NKAIN2: variants seen among roughly 807,000 people sequenced by gnomAD.
NKAIN2 encodes the protein sodium/potassium transporting ATPase interacting 2.
A neutral mutation model predicts 32.6 loss-of-function variants in NKAIN2; 14 were observed. That is an observed-to-expected ratio of 0.43 (90% CI 0.28 to 0.67). The LOEUF (loss-of-function observed/expected upper bound fraction) is 0.67, where lower values mean the gene tolerates loss of function less well. Among genes scored for constraint, NKAIN2 ranks in the 30% least tolerant of loss-of-function variants. The pLI is 0.17. For synonymous variants in NKAIN2, 80 were observed against 87.2 expected (o/e 0.92, Z 0.46); for missense variants, 198 against 258.3 (o/e 0.77, Z 1.60).
intron 1 of NKAIN2, among the ~76,000 whole-genome samples, chr6:123,950,996 T>C (rs1481793696): frequency 6.6e-6 from 1 of 152,018 alleles, no homozygotes; most frequent in African/African-American, 2.4e-5. Flanking sequence ...TTGGTTTTTA[T>C]TTATGTCAAG....
intron 1 of NKAIN2, among the ~76,000 whole-genome samples, chr6:124,078,808 G>GTGTGTGTGTGTGTGTGTT (rs1783820056): frequency 2.6e-5 from 4 of 151,736 alleles, no homozygotes; most frequent in Admixed American, 1.3e-4. Context: ...GTGTGTGTGT[G>GTGTGTGTGTGTGTGTGTT]TGTGTGTGTG....
chr6:124,205,409 A>C (rs1399836178), intron 1 of NKAIN2, among the ~76,000 whole-genome samples: 1 of 151,666 alleles, frequency 6.6e-6, no homozygotes, highest in African/African-American at 2.4e-5. Context: ...AGTCTTATAT[A>C]ATGTGTCTTA....
At chr6:124,108,231 T>TA (rs1785208058) in intron 1 of NKAIN2, among the ~76,000 whole-genome samples, 1 of 152,086 alleles carries the variant, frequency 6.6e-6, no homozygotes, top group African/African-American at 2.4e-5. Context: ...TACAAGGTAA[T>TA]ATATGAATAG....
intron 1 of NKAIN2, among the ~76,000 whole-genome samples, chr6:124,131,296 C>T (rs181274318): frequency 1.3e-4 from 20 of 152,158 alleles, no homozygotes; most frequent in Non-Finnish European, 1.8e-4. Flanking sequence ...AGGTGCATGC[C>T]GCCACGTCTG....
chr6:124,198,625 T>C (rs1790440493), intron 1 of NKAIN2, among the ~76,000 whole-genome samples: 5 of 152,024 alleles, frequency 3.3e-5, no homozygotes, highest in Admixed American at 3.3e-4. Context: ...GGTATATCTT[T>C]ACTGCTTCTC....
intron 3 of NKAIN2, among the ~76,000 whole-genome samples, chr6:124,604,590 C>T (rs1168469182): frequency 1.3e-5 from 2 of 151,164 alleles, no homozygotes; most frequent in Non-Finnish European, 2.9e-5. Context: ...TCATTATCTC[C>T]ACCAGAAAAA....
intron 3 of NKAIN2, among the ~76,000 whole-genome samples, chr6:124,574,800 C>G (rs993246013): frequency 2.0e-5 from 3 of 152,074 alleles, no homozygotes; most frequent in Non-Finnish European, 4.4e-5. Context: ...AACACTTATC[C>G]CCACTAATTT....
At chr6:124,351,026 A>G (rs1290774399) in intron 2 of NKAIN2, among the ~76,000 whole-genome samples, 1 of 152,208 alleles carries the variant, frequency 6.6e-6, no homozygotes, top group Non-Finnish European at 1.5e-5. Flanking sequence ...TTTTTAAAAA[A>G]GTAACTCATA....
In NKAIN2 at chr6:124,105,868, C is replaced by A. The variant is rs112652882; in HGVS notation, c.55-177137C>A. 7.6e-4 allele frequency among the ~76,000 whole-genome samples: 116 copies of A among 152,158 alleles called. 1 individual carries two copies. The highest frequency in any genetic ancestry group is 1.3e-3 in the Non-Finnish European group (88 of 68,036). ...TATTACATATAAGTAACAATGATAG[C>A]AAACATTTATACCCTTTAGATTTGT... On this transcript the variant is annotated intron_variant, in intron 1 of 6. Coordinates refer to ENST00000368417, the MANE Select transcript of NKAIN2 (RefSeq NM_001040214.3).
At chr6:124,137,176 C>T (rs1400176222) in intron 1 of NKAIN2, among the ~76,000 whole-genome samples, 1 of 152,056 alleles carries the variant, frequency 6.6e-6, no homozygotes, top group Middle Eastern at 3.2e-3. Context: ...GGTACAAAGT[C>T]AATGTAGACA....
At chr6:124,344,780 AG>A (rs1455755001) in intron 2 of NKAIN2, among the ~76,000 whole-genome samples, 1 of 152,224 alleles carries the variant, frequency 6.6e-6, no homozygotes, top group African/African-American at 2.4e-5. Context: ...ATCTGCAAAC[AG>A]GGACAATTTG....
intron 1 of NKAIN2, among the ~76,000 whole-genome samples, chr6:123,806,390 G>A (rs909309855): frequency 6.6e-6 from 1 of 152,004 alleles, no homozygotes; most frequent in African/African-American, 2.4e-5. Context: ...AAAGGACAAA[G>A]AAAATGCAAT....
chr6:124,521,386 A>G (rs1256993358), intron 3 of NKAIN2, among the ~76,000 whole-genome samples: 1 of 152,178 alleles, frequency 6.6e-6, no homozygotes, highest in East Asian at 1.9e-4. Flanking sequence ...TTTCAACACT[A>G]ATTGAGAAGA....
At chr6:124,021,044 A>G (rs1780837623) in intron 1 of NKAIN2, among the ~76,000 whole-genome samples, 1 of 152,106 alleles carries the variant, frequency 6.6e-6, no homozygotes, top group African/African-American at 2.4e-5. Flanking sequence ...ATATTTACTG[A>G]ACACTTTACT....
At chr6:124,058,767 A>T (rs1226538131) in intron 1 of NKAIN2, among the ~76,000 whole-genome samples, 1 of 152,142 alleles carries the variant, frequency 6.6e-6, no homozygotes, top group Non-Finnish European at 1.5e-5. Flanking sequence ...AAATGATATG[A>T]AAGTCTATTT....
intron 1 of NKAIN2, among the ~76,000 whole-genome samples, chr6:124,027,003 G>A (rs958742163): frequency 6.6e-6 from 1 of 151,938 alleles, no homozygotes; most frequent in Non-Finnish European, 1.5e-5. Context: ...CTTCCCTGGG[G>A]CTCCCTCCTA....
At chr6:124,435,233 G>A (rs1775388041) in intron 3 of NKAIN2, among the ~76,000 whole-genome samples, 1 of 152,186 alleles carries the variant, frequency 6.6e-6, no homozygotes. Context: ...TAGCTAGAAT[G>A]TTTGAGAAAT....
At chr6:124,480,877 C>T (rs1028776665) in intron 3 of NKAIN2, among the ~76,000 whole-genome samples, 4 of 152,098 alleles carry the variant, frequency 2.6e-5, no homozygotes, top group African/African-American at 9.7e-5. Context: ...TGACGCTTTA[C>T]ATTCCTTTGT....
At chr6:124,747,129 TTAA>T (rs1164036298) in intron 4 of NKAIN2, among the ~76,000 whole-genome samples, 1 of 151,898 alleles carries the variant, frequency 6.6e-6, no homozygotes, top group Non-Finnish European at 1.5e-5. Flanking sequence ...CAATATTTCT[TTAA>T]TAATAGCCCT....
Sources: gnomAD v4.1 joint callset for allele counts (sites outside exome capture counted in the v4.1 genomes callset) on GRCh38, gnomAD v4.1.1 for gene constraint, MANE v1.5 for transcripts, NCBI Gene and HGNC (gene_info 2026-07-23, HGNC 2026-07-21) for gene names.